KIRREL3: variants seen among roughly 807,000 people sequenced by gnomAD.
KIRREL3 encodes kirre like nephrin family adhesion molecule 3, also known as kin of IRRE-like protein 3.
KIRREL3 carries 36 observed loss-of-function variants against 89.7 expected under a neutral mutation model. The ratio of observed to expected loss-of-function variants is 0.40; its 90% CI spans 0.31 to 0.53. The LOEUF is 0.53. KIRREL3 is among the 20% of genes least tolerant of loss of function. The probability of loss-of-function intolerance (pLI) is 0.49; values close to 1 mark genes in which losing one functional copy is unlikely to be tolerated. For synonymous variants in KIRREL3, 445 were observed against 441.4 expected, an observed-to-expected ratio of 1.01 and a Z score of -0.10; for missense variants, 864 against 1,056.6, an observed-to-expected ratio of 0.82 and a Z score of 2.53.
intron 1 of KIRREL3, among the ~76,000 whole-genome samples, chr11:126,820,309 C>CA (rs1943164142): frequency 2.6e-5 from 1 of 38,462 alleles, no homozygotes; most frequent in African/African-American, 2.3e-4. Context: ...TGTAGCAAGC[C>CA]TTTAAAAAAA....
chr11:126,463,392 CT>C lies in KIRREL3; in HGVS notation c.592-86del. On this transcript the variant is annotated intron_variant, in intron 5 of 16. Coordinates refer to ENST00000525144, the MANE Select transcript of KIRREL3 (RefSeq NM_032531.4). This position sits in a 1 kb window ranked among gnomAD's most constrained non-coding sequence, Gnocchi z 5.9. ...TGGGTTGGGGGTAAACGAGCACCAG[CT>C]TAGACAGAAGGGGGAGCTGTGGATG... 1 of 1,373,552 alleles carries C rather than the reference CT, an allele frequency of 7.3e-7. No individual in the cohort carries two copies. Among genetic ancestry groups the C allele is most frequent in the Non-Finnish European group, 1.0e-6 (1 of 998,134 alleles). The allele number at this position is 1,373,552 out of a possible 1,614,324, so 85.1% of individuals were successfully genotyped here. A position where few individuals can be genotyped will look rare whatever the true frequency, so the allele number is the denominator to read the frequency against.
intron 1 of KIRREL3, among the ~76,000 whole-genome samples, chr11:126,834,531 T>C (rs1027383740): frequency 1.3e-5 from 2 of 152,228 alleles, no homozygotes; most frequent in African/African-American, 4.8e-5. Flanking sequence ...ATCTGCTCAC[T>C]ATTGAGGAAA....
intron 4 of KIRREL3, among the ~76,000 whole-genome samples, chr11:126,488,108 C>T (rs918127780): frequency 6.6e-6 from 1 of 152,238 alleles, no homozygotes; most frequent in African/African-American, 2.4e-5. Context: ...AGCTTGGTTA[C>T]TGGGTAAGGA....
intron 1 of KIRREL3, among the ~76,000 whole-genome samples, chr11:126,850,962 C>T (rs117491491): frequency 2.6e-5 from 4 of 152,338 alleles, no homozygotes; most frequent in Non-Finnish European, 5.9e-5. Context: ...TAAACCTTAA[C>T]TCCAATCAAG....
At chr11:126,947,569 T>C (rs777070434) in intron 1 of KIRREL3, among the ~76,000 whole-genome samples, 1 of 152,222 alleles carries the variant, frequency 6.6e-6, no homozygotes, top group Non-Finnish European at 1.5e-5. Context: ...GAATAGTAAC[T>C]GAGTTGAGTT....
At position 126,719,309 on chromosome 11, in the gene KIRREL3, CCTT is replaced by C. The variant is rs774005079; in HGVS notation, c.56-156400_56-156398del. 6.6e-6 allele frequency among the ~76,000 whole-genome samples: 1 copy of C among 152,164 alleles called. No individual in the cohort carries two copies. Among genetic ancestry groups the C allele is most frequent in the Non-Finnish European group, 1.5e-5 (1 of 68,036 alleles). On this transcript the variant is annotated intron_variant, in intron 1 of 16. Transcript: ENST00000525144. The surrounding 1 kb of genome is among the most constrained non-coding windows in gnomAD (Gnocchi z 4.7). ...AATGGCCAGCTCTTCTGTTTGAACG[CCTT>C]CTTCTCTTAGCCTCTGGGAGAGCAG...
rs1299457054 is a variant in KIRREL3, at chr11:126,526,542, G to A, written c.279C>T (p.Leu93=). 1.2e-6 allele frequency: 2 copies of A among 1,612,540 alleles called. No homozygotes were observed. The highest frequency in any genetic ancestry group is 1.7e-5 in the Admixed American group (1 of 59,924). ...DGLALGVGRD[L]SSYPQYLVVG... ...AGGAGGTCTGGAGGTACTCACTTGA[G>A]AGGTCCCTGCCCACACCCAGAGCCA... The change falls in exon 3 of 17, where the codon CTC becomes CTT. Residue 93 remains leucine, a synonymous_variant. Coordinates refer to ENST00000525144, the MANE Select transcript of KIRREL3 (RefSeq NM_032531.4). The surrounding 1 kb of genome is among the most constrained non-coding windows in gnomAD (Gnocchi z 5.7).
chr11:126,915,182 A>G (rs1315408455), intron 1 of KIRREL3, among the ~76,000 whole-genome samples: 1 of 152,198 alleles, frequency 6.6e-6, no homozygotes, highest in Non-Finnish European at 1.5e-5. Flanking sequence ...ATCTGTAAGC[A>G]CCATGTGGAT....
Position 126,909,061 on chromosome 11 carries a change from T to C in KIRREL3, c.55+91394A>G, listed in dbSNP as rs1238188981. On this transcript the variant is annotated intron_variant, in intron 1 of 16. Transcript: ENST00000525144. The surrounding 1 kb of genome is among the most constrained non-coding windows in gnomAD (Gnocchi z 4.5). Reference sequence around the variant, plus strand: ...TTGTTGATTTGTATTTTTCAAATATTGTCTATTCACTTGGTTGAATCATCT... The same window carrying C: ...TTGTTGATTTGTATTTTTCAAATATCGTCTATTCACTTGGTTGAATCATCT... 6.6e-6 allele frequency among the ~76,000 whole-genome samples: 1 copy of C among 152,186 alleles called. No homozygotes were observed. Among genetic ancestry groups the C allele is most frequent in the Non-Finnish European group, 1.5e-5 (1 of 68,038 alleles).
rs762661459 is a variant in KIRREL3, at chr11:126,576,422, T to C, written c.56-13510A>G. ...CACTCTGTGTCAGTTCTGGCTGTTA[T>C]GGATATTGTGATGAACAAGACAGAG... On this transcript the variant is annotated intron_variant, in intron 1 of 16. Transcript: ENST00000525144. This position sits in a 1 kb window ranked among gnomAD's most constrained non-coding sequence, Gnocchi z 5.4. Among the ~76,000 whole-genome samples the C allele has an allele frequency of 6.6e-6, 1 of 152,218 alleles. No homozygotes were observed. The highest frequency in any genetic ancestry group is 2.4e-5 in the African/African-American group (1 of 41,456).
At chr11:126,505,847 T>C (rs1220346181) in intron 4 of KIRREL3, among the ~76,000 whole-genome samples, 1 of 152,230 alleles carries the variant, frequency 6.6e-6, no homozygotes, top group Non-Finnish European at 1.5e-5. Context: ...TGGATGGGAA[T>C]ACTCAATATT....
At chr11:126,695,406 C>CAAAAAAAAAAAAAAAAAAAAAAAAAA (rs36034228) in intron 1 of KIRREL3, among the ~76,000 whole-genome samples, 1 of 64,350 alleles carries the variant, frequency 1.6e-5, no homozygotes, top group Non-Finnish European at 2.9e-5. Flanking sequence ...TTAGCTTTAC[C>CAAAAAAAAAAAAAAAAAAAAAAAAAA]AAAAAAAAAA....
chr11:126,999,796 A>C lies in KIRREL3; in HGVS notation c.55+659T>G, dbSNP rs1011125100. 1.3e-5 allele frequency among the ~76,000 whole-genome samples: 2 copies of C among 152,224 alleles called. No homozygotes were observed. The highest frequency in any genetic ancestry group is 6.5e-5 in the Admixed American group (1 of 15,286). ...GCCCCTGCTAGGCTGCAGAAAGGAA[A>C]CCATCAGCACCACGGGCGAAATTTC... On this transcript the variant is annotated intron_variant, in intron 1 of 16. Coordinates refer to ENST00000525144, the MANE Select transcript of KIRREL3 (RefSeq NM_032531.4). This position sits in a 1 kb window ranked among gnomAD's most constrained non-coding sequence, Gnocchi z 5.7.
Position 126,425,598 on chromosome 11 carries a change from GA to G in KIRREL3, c.1893+39del, listed in dbSNP as rs11291681. 7,646 of 1,494,426 alleles carry G rather than the reference GA, an allele frequency of 5.1e-3. 306 individuals carry two copies. The African/African-American group carries it at 0.087, about 17-fold the overall frequency. 92.6% of individuals were successfully genotyped at this position (1,494,426 alleles called of 1,614,324 possible). A position where few individuals can be genotyped will look rare whatever the true frequency, so the allele number is the denominator to read the frequency against. ...TTTGGGCCATCAGAGCTAAAGACCA[GA>G]TTCCATGGCTGTGTCTTATAACCCG... On this transcript the variant is annotated intron_variant, in intron 16 of 16. Transcript: ENST00000525144.
At position 126,948,020 on chromosome 11, in the gene KIRREL3, C is replaced by T. The variant is rs552672610; in HGVS notation, c.55+52435G>A. Among the ~76,000 whole-genome samples the T allele has an allele frequency of 2.0e-5, 3 of 152,230 alleles. No homozygotes were observed. Among genetic ancestry groups the T allele is most frequent in the Admixed American group, 2.0e-4 (3 of 15,286 alleles). On this transcript the variant is annotated intron_variant, in intron 1 of 16. Coordinates refer to ENST00000525144, the MANE Select transcript of KIRREL3 (RefSeq NM_032531.4). This position sits in a 1 kb window ranked among gnomAD's most constrained non-coding sequence, Gnocchi z 4.5. Reference sequence around the variant, plus strand: ...ATATCCCAATTGCTGCTTGGCTACCCCAAAACTCCAACGCACCTCATTATT... The same window carrying T: ...ATATCCCAATTGCTGCTTGGCTACCTCAAAACTCCAACGCACCTCATTATT...
rs74401275 is a variant in KIRREL3, at chr11:126,995,401, C to T, written c.55+5054G>A. On this transcript the variant is annotated intron_variant, in intron 1 of 16. Coordinates refer to ENST00000525144, the MANE Select transcript of KIRREL3 (RefSeq NM_032531.4). The surrounding 1 kb of genome is among the most constrained non-coding windows in gnomAD (Gnocchi z 6.5). ...AACACCCCTCTTCCCAGGCACAGGACGAGTTCAGTGCCTCTCTGTTTCTTG... is the reference window on the plus strand; with the variant it reads ...AACACCCCTCTTCCCAGGCACAGGATGAGTTCAGTGCCTCTCTGTTTCTTG... 0.016 allele frequency: 7,057 copies of T among 452,420 alleles called. 175 individuals carry two copies. The highest frequency in any genetic ancestry group is 0.11 in the East Asian group (1,643 of 14,316). 28.0% of individuals were successfully genotyped at this position (452,420 alleles called of 1,614,324 possible).
intron 1 of KIRREL3, among the ~76,000 whole-genome samples, chr11:126,698,446 T>A (rs1947184474): frequency 6.6e-6 from 1 of 152,174 alleles, no homozygotes; most frequent in Non-Finnish European, 1.5e-5. Context: ...CCACCTTGGG[T>A]GTTCTCATCT....
intron 4 of KIRREL3, among the ~76,000 whole-genome samples, chr11:126,482,426 G>A (rs111492797): frequency 0.054 from 8,162 of 152,258 alleles, 247 homozygotes; most frequent in African/African-American, 0.078. Flanking sequence ...TGTGGCCATG[G>A]GAAAACTGCT....
intron 1 of KIRREL3, among the ~76,000 whole-genome samples, chr11:126,850,035 C>G (rs1179945632): frequency 2.0e-5 from 3 of 152,192 alleles, no homozygotes; most frequent in Admixed American, 2.0e-4. Flanking sequence ...TAATCACAAA[C>G]AATCCATTCT....
Sources: allele counts gnomAD v4.1 joint callset (sites outside exome capture counted in the v4.1 genomes callset), GRCh38; gene constraint gnomAD v4.1.1; non-coding constraint Gnocchi (gnomAD v3.1); transcripts MANE v1.5; gene names NCBI Gene and HGNC (gene_info 2026-07-23, HGNC 2026-07-21).